GSG1L: variants seen among roughly 807,000 people sequenced by gnomAD.
GSG1L encodes the protein germ cell-specific gene 1-like protein.
GSG1L carries 24 observed loss-of-function variants against 42.1 expected under a neutral mutation model. That is an observed-to-expected ratio of 0.57 (90% CI 0.41 to 0.80). GSG1L has a LOEUF of 0.80. Ranked by LOEUF, GSG1L falls within the 30% of genes least tolerant of loss-of-function variation. GSG1L has a pLI of 0.00. For synonymous variants in GSG1L, 215 were observed against 203.5 expected (o/e 1.06, Z -0.48); for missense variants, 445 against 472.2 (o/e 0.94, Z 0.53).
At chr16:27,893,213 CTT>C (rs1231409436) in intron 2 of GSG1L, among the ~76,000 whole-genome samples, 2 of 152,198 alleles carry the variant, frequency 1.3e-5, no homozygotes, top group Non-Finnish European at 2.9e-5. Flanking sequence ...TAGCTGCACT[CTT>C]TGCCTTTTTA....
At chr16:27,867,481 C>T (rs771159375) in intron 3 of GSG1L, among the ~76,000 whole-genome samples, 26 of 152,200 alleles carry the variant, frequency 1.7e-4, no homozygotes, top group Non-Finnish European at 3.7e-4. Context: ...GATCAGTGAG[C>T]GCTGCCCCAT....
chr16:27,793,847 C>T (rs1460837048), intron 6 of GSG1L, among the ~76,000 whole-genome samples: 1 of 152,154 alleles, frequency 6.6e-6, no homozygotes, highest in South Asian at 2.1e-4. Flanking sequence ...CCAGGGACCC[C>T]CACCCACTTC....
At chr16:27,822,208 C>T (rs1483366822) in intron 5 of GSG1L, among the ~76,000 whole-genome samples, 1 of 152,092 alleles carries the variant, frequency 6.6e-6, no homozygotes, top group African/African-American at 2.4e-5. Context: ...CATTTTCCAG[C>T]CAGGAAAATT....
At chr16:27,922,490 G>A (rs559711956) in intron 2 of GSG1L, among the ~76,000 whole-genome samples, 66 of 152,234 alleles carry the variant, frequency 4.3e-4, no homozygotes, top group Admixed American at 3.8e-3. Flanking sequence ...CGATAGTACC[G>A]ATCACCTCTG....
chr16:27,824,055 C>T (rs577958811), intron 5 of GSG1L: 6 of 648,984 alleles, frequency 9.2e-6, no homozygotes, highest in Admixed American at 6.3e-5. Flanking sequence ...CTTCGAAATA[C>T]CCTCGCCATC....
At chr16:27,856,387 C>G (rs1217736449) in intron 3 of GSG1L, among the ~76,000 whole-genome samples, 1 of 152,192 alleles carries the variant, frequency 6.6e-6, no homozygotes, top group Non-Finnish European at 1.5e-5. Flanking sequence ...GATCATAGCT[C>G]ACTGCAGCCT....
At chr16:27,979,902 AGAG>A (rs2085307446) in intron 1 of GSG1L, among the ~76,000 whole-genome samples, 2 of 151,646 alleles carry the variant, frequency 1.3e-5, no homozygotes, top group African/African-American at 2.4e-5. Flanking sequence ...AGGAAGGAAA[AGAG>A]AGAGAGAATT....
intron 3 of GSG1L, among the ~76,000 whole-genome samples, chr16:27,853,136 G>C (rs1017885865): frequency 6.6e-6 from 1 of 152,178 alleles, no homozygotes; most frequent in East Asian, 1.9e-4. Flanking sequence ...TCGGCTGGGG[G>C]CAGAGGAAAA....
At chr16:28,044,342 C>T (rs1349134800) in intron 1 of GSG1L, among the ~76,000 whole-genome samples, 3 of 152,126 alleles carry the variant, frequency 2.0e-5, no homozygotes, top group African/African-American at 7.2e-5. Context: ...GGAAGGAAGA[C>T]ATTTTGGCAG....
At position 27,877,279 on chromosome 16, in the gene GSG1L, G is replaced by C. The variant is rs937237895; in HGVS notation, c.550+7207C>G. On this transcript the variant is annotated intron_variant, in intron 3 of 6. Coordinates refer to ENST00000447459, the MANE Select transcript of GSG1L (RefSeq NM_001109763.2). ...CTGGGAGAGCACGAGAAAGGCCGTG[G>C]TCTAGTTCAGGGCCACATTATGACT... 5.9e-5 allele frequency among the ~76,000 whole-genome samples: 9 copies of C among 152,236 alleles called. No individual in the cohort carries two copies. The East Asian group carries it at 1.2e-3, about 20-fold the overall frequency.
In GSG1L at chr16:27,884,856, A is replaced by G. The variant is rs1483327153; in HGVS notation, c.398-218T>C. The stretch of plus-strand genomic sequence containing the variant: ...CTTAAGTCAGCATTCTCTGGATCCT[A>G]TTACTGGGGAAGAACTTTTATCCTG... On this transcript the variant is annotated intron_variant, in intron 2 of 6. Coordinates refer to ENST00000447459, the MANE Select transcript of GSG1L (RefSeq NM_001109763.2). The surrounding 1 kb of genome is among the most constrained non-coding windows in gnomAD (Gnocchi z 4.4). Among the ~76,000 whole-genome samples the G allele has an allele frequency of 1.3e-5, 2 of 152,090 alleles. No individual in the cohort carries two copies. Among genetic ancestry groups the G allele is most frequent in the South Asian group, 4.2e-4 (2 of 4,814 alleles).
chr16:27,845,380 C>T (rs1233928681), intron 3 of GSG1L, among the ~76,000 whole-genome samples: 1 of 152,164 alleles, frequency 6.6e-6, no homozygotes, highest in Non-Finnish European at 1.5e-5. Context: ...AGGTGTATGC[C>T]ACTATGACAG....
chr16:27,868,575 C>T (rs2083761097), intron 3 of GSG1L, among the ~76,000 whole-genome samples: 1 of 150,120 alleles, frequency 6.7e-6, no homozygotes. Flanking sequence ...ATCGAACCTG[C>T]AGATGTTGGC....
chr16:27,930,854 A>G (rs1349416633), intron 2 of GSG1L, among the ~76,000 whole-genome samples: 1 of 152,060 alleles, frequency 6.6e-6, no homozygotes, highest in African/African-American at 2.4e-5. Flanking sequence ...CCTCCCTAGT[A>G]GTGGAGACTA....
intron 1 of GSG1L, among the ~76,000 whole-genome samples, chr16:28,029,530 G>GGGAT (rs60587266): frequency 0.53 from 79,722 of 149,306 alleles, 23,047 homozygotes; most frequent in Non-Finnish European, 0.64. Flanking sequence ...GGTGCATGAA[G>GGGAT]GGATGGATGG....
chr16:27,892,272 T>C (rs781423147), intron 2 of GSG1L, among the ~76,000 whole-genome samples: 7 of 151,868 alleles, frequency 4.6e-5, no homozygotes, highest in Non-Finnish European at 7.4e-5. Flanking sequence ...CTGGGCAATA[T>C]AGGGAGACCT....
At chr16:27,948,973 G>A (rs1267598936) in intron 2 of GSG1L, among the ~76,000 whole-genome samples, 1 of 146,924 alleles carries the variant, frequency 6.8e-6, no homozygotes, top group Admixed American at 6.8e-5. Context: ...ACTGGAATGT[G>A]GTGGCTCAAT....
At chr16:27,905,170 C>A (rs746622322) in intron 2 of GSG1L, among the ~76,000 whole-genome samples, 4 of 152,206 alleles carry the variant, frequency 2.6e-5, no homozygotes, top group Non-Finnish European at 4.4e-5. Context: ...AGAGAGGGGA[C>A]AAGATTTGAA....
At chr16:27,832,159 T>G (rs2083281125) in intron 4 of GSG1L, among the ~76,000 whole-genome samples, 1 of 152,196 alleles carries the variant, frequency 6.6e-6, no homozygotes, top group Non-Finnish European at 1.5e-5. Context: ...GTTTTTCAAT[T>G]AAATTTTTCC....
Sources: gnomAD v4.1 joint callset for allele counts (sites outside exome capture counted in the v4.1 genomes callset) on GRCh38, gnomAD v4.1.1 for gene constraint, Gnocchi (gnomAD v3.1) non-coding constraint, MANE v1.5 for transcripts, NCBI Gene and HGNC (gene_info 2026-07-23, HGNC 2026-07-21) for gene names.